Variants in ZNF334 observed in about 807,000 individuals in gnomAD.
The protein encoded by ZNF334 is zinc finger protein 334.
ZNF334 carries 14 observed loss-of-function variants against 12.4 expected under a neutral mutation model. The observed-to-expected ratio is 1.13, with a 90% CI of 0.74 to 1.76. The LOEUF is 1.76. Among genes scored for constraint, ZNF334 ranks in the 40% most tolerant of loss-of-function variants. ZNF334 has a pLI of 0.00. For missense variants in ZNF334, 797 were observed against 804.5 expected, an observed-to-expected ratio of 0.99 and a Z score of 0.11; for synonymous variants, 273 against 269.6, an observed-to-expected ratio of 1.01 and a Z score of -0.12.
chr20:46,488,831 A>G, the ZNF334 span, among the ~76,000 whole-genome samples: 1 of 149,312 alleles, frequency 6.7e-6, no homozygotes, highest in East Asian at 1.9e-4. Flanking sequence ...AGTACCTTAA[A>G]TATTTTGTTC....
At chr20:46,468,551 T>C in the ZNF334 span, among the ~76,000 whole-genome samples, 7 of 152,160 alleles carry the variant, frequency 4.6e-5, no homozygotes, top group East Asian at 9.7e-4. Flanking sequence ...TCCGTAAGTG[T>C]TGGGATTACG....
chr20:46,498,596 A>G (rs6065998), downstream of ZNF334, among the ~76,000 whole-genome samples: 72,395 of 152,008 alleles, frequency 0.48, 17,628 homozygotes, highest in East Asian at 0.65. Flanking sequence ...CCACAAAAAC[A>G]ATGAGATAGT....
chr20:46,496,531 T>C (rs2061028514), downstream of ZNF334, among the ~76,000 whole-genome samples: 1 of 152,200 alleles, frequency 6.6e-6, no homozygotes, highest in Admixed American at 6.5e-5. Flanking sequence ...GGTGGTGCCT[T>C]TGAAATCTGT....
At position 46,512,986 on chromosome 20, in the gene ZNF334, G is replaced by A. The variant is rs1452523115; in HGVS notation, c.-485C>T. 1 of 152,128 alleles carries A rather than the reference G, an allele frequency of 6.6e-6. No homozygotes were observed. Among genetic ancestry groups the A allele is most frequent in the Non-Finnish European group, 1.5e-5 (1 of 68,030 alleles). The allele number at this position is 152,128 out of a possible 1,614,324, so 9.4% of individuals were successfully genotyped here. ...ATGTATGTGTTTAGGAAGTGATGAA[G>A]ACATCATTTCCTTATTTATAACCAG... On this transcript the variant is annotated 5_prime_UTR_variant, in exon 1 of 5. Coordinates refer to ENST00000692313, the MANE Select transcript of ZNF334 (RefSeq NM_001353824.2).
Position 46,501,827 on chromosome 20 carries a change from G to T in ZNF334, c.1512C>A (p.Cys504Ter). The change falls in exon 5 of 5, where the codon TGC becomes TGA. Residue 504 changes from cysteine to a stop codon, truncating the protein, a stop_gained. Coordinates refer to ENST00000692313, the MANE Select transcript of ZNF334 (RefSeq NM_001353824.2). LOFTEE classifies it low-confidence loss of function (END_TRUNC). ...CGRISIVKSN[C>*]SQCKRMNTKE... ...TTGTGTTCATTCTCTTACACTGACT[G>T]CAGTTTGACTTCACAATGGAGATTC... is the stretch of plus-strand genomic sequence containing the variant. 2 of 1,613,930 alleles carry T rather than the reference G, an allele frequency of 1.2e-6. No homozygotes were observed. Among genetic ancestry groups the T allele is most frequent in the Non-Finnish European group, 1.7e-6 (2 of 1,179,960 alleles).
the ZNF334 span, among the ~76,000 whole-genome samples, chr20:46,483,098 A>C: frequency 0.19 from 29,391 of 152,150 alleles, 2,999 homozygotes; most frequent in African/African-American, 0.25. Context: ...TGGCTTGGTT[A>C]CATCCCTTAA....
chr20:46,479,216 TCCTA>T, the ZNF334 span, among the ~76,000 whole-genome samples: 2 of 152,164 alleles, frequency 1.3e-5, no homozygotes, highest in Non-Finnish European at 2.9e-5. Context: ...TTCTGGAGGC[TCCTA>T]CCTGTCTTTT....
At chr20:46,497,568 TC>T (rs1372469259), downstream of ZNF334, among the ~76,000 whole-genome samples, 4 of 152,064 alleles carry the variant, frequency 2.6e-5, no homozygotes, top group African/African-American at 9.7e-5. Flanking sequence ...TATACTATCT[TC>T]CCCCTTATTC....
the ZNF334 span, among the ~76,000 whole-genome samples, chr20:46,493,639 T>C: frequency 5.3e-5 from 8 of 152,134 alleles, no homozygotes; most frequent in Non-Finnish European, 4.4e-5. Context: ...AATAGCTCAT[T>C]TGAAATAAGT....
At chr20:46,505,166 G>A (rs772326585) in intron 2 of ZNF334, 1 of 153,804 alleles carries the variant, frequency 6.5e-6, no homozygotes, top group Non-Finnish European at 1.4e-5. Context: ...AATATAAACA[G>A]TATGTTTTAT....
At chr20:46,468,460 A>G in the ZNF334 span, among the ~76,000 whole-genome samples, 1 of 138,650 alleles carries the variant, frequency 7.2e-6, no homozygotes, top group Non-Finnish European at 1.6e-5. Flanking sequence ...TTTTTTTGGT[A>G]TTTTTGTAGA....
the ZNF334 span, among the ~76,000 whole-genome samples, chr20:46,471,722 C>A: frequency 6.6e-6 from 1 of 152,188 alleles, no homozygotes; most frequent in East Asian, 1.9e-4. Context: ...CACTGCTCTG[C>A]AGTATGGCTT....
At chr20:46,464,170 C>G in the ZNF334 span, 2 of 526,020 alleles carry the variant, frequency 3.8e-6, no homozygotes, top group Non-Finnish European at 7.5e-6. Context: ...CTTGTAAAAA[C>G]ACATCCCCCA....
chr20:46,502,377 T>A lies in ZNF334; in HGVS notation c.962A>T (p.Tyr321Phe), dbSNP rs758272454. 5 of 1,613,996 alleles carry A rather than the reference T, an allele frequency of 3.1e-6. No homozygotes were observed. In the African/African-American group the frequency reaches 6.7e-5, roughly 22 times the overall value. ...GGTCTTTCCACATTCATTACACTCA[T>A]AGGATTTCTCCCCTCCATGAATTTT... ...HQKIHGGEKS[Y>F]ECNECGKTFF... Residue 321 changes from tyrosine to phenylalanine, a missense_variant, in exon 5 of 5, where the codon TAT becomes TTT. By Grantham distance (22) the Tyr-to-Phe change is conservative. Coordinates refer to ENST00000692313, the MANE Select transcript of ZNF334 (RefSeq NM_001353824.2).
chr20:46,487,679 T>TTA, the ZNF334 span, among the ~76,000 whole-genome samples: 2 of 152,208 alleles, frequency 1.3e-5, no homozygotes, highest in Non-Finnish European at 2.9e-5. Flanking sequence ...TGGAAATACT[T>TTA]ATTACTCTAA....
downstream of ZNF334, among the ~76,000 whole-genome samples, chr20:46,498,836 C>A (rs1395020285): frequency 6.6e-6 from 1 of 152,104 alleles, no homozygotes; most frequent in African/African-American, 2.4e-5. Flanking sequence ...TGACTGGTAT[C>A]CTTATAACAA....
In ZNF334 at chr20:46,501,744, A is replaced by G. The variant is rs2061181949; in HGVS notation, c.1595T>C (p.Leu532Pro). 6.2e-7 allele frequency: 1 copy of G among 1,614,124 alleles called. No individual in the cohort carries two copies. Among genetic ancestry groups the G allele is most frequent in the East Asian group, 2.2e-5 (1 of 44,870 alleles). The change falls in exon 5 of 5, where the codon CTC becomes CCC. Residue 532 changes from leucine (L) to proline (P), a missense_variant. Physicochemically the swap from Leu to Pro is moderately conservative, Grantham distance 98 (BLOSUM62 -3). Transcript: ENST00000692313. ...HGHAVSKNSH[L>P]IVHQRTIWER... ...CCATATAGTTCTCTGATGTACAATGAGGTGTGAGTTTTTGCTGACGGCATG... is the reference window on the plus strand; with the variant it reads ...CCATATAGTTCTCTGATGTACAATGGGGTGTGAGTTTTTGCTGACGGCATG...
At chr20:46,468,362 A>G in the ZNF334 span, among the ~76,000 whole-genome samples, 1 of 151,452 alleles carries the variant, frequency 6.6e-6, no homozygotes, top group East Asian at 1.9e-4. Flanking sequence ...TGCAACCTCA[A>G]CCCCCAGGTT....
chr20:46,484,293 A>G, the ZNF334 span, among the ~76,000 whole-genome samples: 1 of 152,200 alleles, frequency 6.6e-6, no homozygotes, highest in Admixed American at 6.5e-5. Context: ...AAACTCTACA[A>G]GAGTAAATCA....
Sources: allele counts gnomAD v4.1 joint callset (sites outside exome capture counted in the v4.1 genomes callset), GRCh38; gene constraint gnomAD v4.1.1; transcripts MANE v1.5; gene names NCBI Gene and HGNC (gene_info 2026-07-23, HGNC 2026-07-21).